Variants in RTP2 observed in about 807,000 individuals in gnomAD.
The protein encoded by RTP2 is receptor-transporting protein 2.
Under a neutral mutation model 17.9 loss-of-function variants are expected in RTP2, and 12 were observed. That is an observed-to-expected ratio of 0.67 (90% CI 0.43 to 1.09). The LOEUF (loss-of-function observed/expected upper bound fraction) is 1.09. Ranked by LOEUF, RTP2 falls within the 50% of genes least tolerant of loss-of-function variation. RTP2 has a pLI of 0.00. For missense variants in RTP2, 327 were observed against 295.7 expected (o/e 1.11, Z -0.78); for synonymous variants, 126 against 117.7 (o/e 1.07, Z -0.46).
At chr3:187,702,146 T>C in exon 1 of RTP2, 1 of 1,585,380 alleles carries the variant, frequency 6.3e-7, no homozygotes. Flanking sequence ...CTGGCAGAGG[T>C]GGCAGTTCGA....
chr3:187,712,617 A>G, the RTP2 span, among the ~76,000 whole-genome samples: 1 of 152,174 alleles, frequency 6.6e-6, no homozygotes, highest in Non-Finnish European at 1.5e-5. Context: ...AATTGTGAAA[A>G]TATCAGGAGG....
chr3:187,715,447 A>G, the RTP2 span, among the ~76,000 whole-genome samples: 73 of 151,990 alleles, frequency 4.8e-4, no homozygotes, highest in Middle Eastern at 3.4e-3. Context: ...AGATACATGA[A>G]TGTATATGAA....
chr3:187,703,270 G>A (rs963056686), upstream of RTP2, among the ~76,000 whole-genome samples: 16 of 152,196 alleles, frequency 1.1e-4, no homozygotes, highest in African/African-American at 1.7e-4. Context: ...CCCTAGACAC[G>A]CAGAGTTCCA....
chr3:187,711,967 G>T, the RTP2 span, among the ~76,000 whole-genome samples: 191 of 152,288 alleles, frequency 1.3e-3, 1 homozygote, highest in African/African-American at 4.4e-3. Flanking sequence ...ATCAGCGGTT[G>T]CCAGAGGTTA....
chr3:187,715,404 TC>T, the RTP2 span, among the ~76,000 whole-genome samples: 22,574 of 151,952 alleles, frequency 0.15, 1,939 homozygotes, highest in African/African-American at 0.24. Flanking sequence ...GATATAAGGT[TC>T]CCCCCGCCAG....
exon 2 of RTP2, chr3:187,698,314 T>C (rs924129632): frequency 6.7e-6 from 4 of 593,726 alleles, no homozygotes; most frequent in South Asian, 4.8e-5. Flanking sequence ...TATTGTCACA[T>C]CCAGTGAAAG....
chr3:187,699,729 CCA>C (rs1328615413), intron 1 of RTP2, among the ~76,000 whole-genome samples: 1,412 of 116,476 alleles, frequency 0.012, 32 homozygotes, highest in African/African-American at 0.044. Flanking sequence ...CATTGCCACT[CCA>C]CACACACACA....
At chr3:187,712,058 G>A in the RTP2 span, among the ~76,000 whole-genome samples, 1 of 151,904 alleles carries the variant, frequency 6.6e-6, no homozygotes, top group Non-Finnish European at 1.5e-5. Context: ...TGTATATCTT[G>A]GTTGTGGTGG....
the RTP2 span, among the ~76,000 whole-genome samples, chr3:187,711,363 C>T: frequency 2.2e-4 from 34 of 152,192 alleles, no homozygotes; most frequent in Admixed American, 3.9e-4. Flanking sequence ...CTGCACCATG[C>T]ACTATGCCAT....
At chr3:187,699,441 A>G (rs1717785681) in intron 1 of RTP2, among the ~76,000 whole-genome samples, 1 of 152,134 alleles carries the variant, frequency 6.6e-6, no homozygotes, top group Admixed American at 6.5e-5. Context: ...GAAGGATGAC[A>G]TACACCATCT....
chr3:187,698,982 C>A, exon 2 of RTP2: 2 of 1,592,610 alleles, frequency 1.3e-6, no homozygotes, highest in Non-Finnish European at 1.7e-6. Flanking sequence ...GGCAGACTGC[C>A]AGGTGTGCCA....
At chr3:187,706,817 G>T (rs1482257031), upstream of RTP2, among the ~76,000 whole-genome samples, 1 of 152,076 alleles carries the variant, frequency 6.6e-6, no homozygotes, top group Non-Finnish European at 1.5e-5. Context: ...TGGCCAGGCT[G>T]GTCTCGAACT....
At chr3:187,698,510 A>G in exon 2 of RTP2, 4 of 1,608,746 alleles carry the variant, frequency 2.5e-6, no homozygotes, top group Non-Finnish European at 3.4e-6. Flanking sequence ...AAAAGAAGGC[A>G]GGACTGAGGA....
At chr3:187,709,982 A>T in the RTP2 span, among the ~76,000 whole-genome samples, 1 of 152,146 alleles carries the variant, frequency 6.6e-6, no homozygotes, top group Non-Finnish European at 1.5e-5. Context: ...CTGCTTGGAC[A>T]CCATTTCTGG....
upstream of RTP2, chr3:187,702,642 G>A (rs1466603520): frequency 2.2e-6 from 1 of 454,532 alleles, no homozygotes; most frequent in South Asian, 1.6e-5. Flanking sequence ...CACTTACCAT[G>A]TGCCTAGCAC....
chr3:187,703,859 T>C (rs534355051), upstream of RTP2, among the ~76,000 whole-genome samples: 4 of 152,292 alleles, frequency 2.6e-5, no homozygotes, highest in East Asian at 1.9e-4. Flanking sequence ...TTTTCTTTTT[T>C]CCTCAAATAA....
chr3:187,715,556 G>T, the RTP2 span: 1 of 431,124 alleles, frequency 2.3e-6, no homozygotes, highest in Admixed American at 2.5e-5. Flanking sequence ...CCTTGGGGGA[G>T]CTGTGTCCTA....
At chr3:187,711,599 T>C in the RTP2 span, among the ~76,000 whole-genome samples, 1 of 152,244 alleles carries the variant, frequency 6.6e-6, no homozygotes, top group Admixed American at 6.5e-5. Context: ...TTCTTAATTA[T>C]GCTTTTCTGT....
intron 1 of RTP2, among the ~76,000 whole-genome samples, chr3:187,699,867 G>A (rs1717802678): frequency 6.6e-6 from 1 of 152,042 alleles, no homozygotes; most frequent in African/African-American, 2.4e-5. Context: ...AGGAAGTGTT[G>A]TGGGTGGTAG....
Sources: allele counts gnomAD v4.1 joint callset (sites outside exome capture counted in the v4.1 genomes callset), GRCh38; gene constraint gnomAD v4.1.1; transcripts MANE v1.5; gene names NCBI Gene and HGNC (gene_info 2026-07-23, HGNC 2026-07-21).